The following ERC1 variants were observed in gnomAD, a reference collection of about 807,000 sequenced individuals.
ERC1 encodes the protein ELKS/RAB6-interacting/CAST family member 1, also known as RAB6 interacting protein 2.
A neutral mutation model predicts 132.0 loss-of-function variants in ERC1; 56 were observed. The observed-to-expected ratio is 0.42, with a 90% CI of 0.34 to 0.53. The LOEUF (loss-of-function observed/expected upper bound fraction) is 0.53, where lower values mean the gene tolerates loss of function less well. ERC1 is among the 20% of genes least tolerant of loss of function. ERC1 has a pLI of 0.03. For synonymous variants in ERC1, 478 were observed against 476.1 expected, an observed-to-expected ratio of 1.00 and a Z score of -0.05; for missense variants, 1,202 against 1,349.9, an observed-to-expected ratio of 0.89 and a Z score of 1.72.
intron 17 of ERC1, among the ~76,000 whole-genome samples, chr12:1,431,720 T>C (rs1390862518): frequency 6.6e-6 from 1 of 152,228 alleles, no homozygotes; most frequent in Non-Finnish European, 1.5e-5. Flanking sequence ...GTACTTTTCA[T>C]TGTGAATGGA....
chr12:1,426,863 T>A (rs2092657050), intron 17 of ERC1, among the ~76,000 whole-genome samples: 1 of 152,178 alleles, frequency 6.6e-6, no homozygotes, highest in African/African-American at 2.4e-5. Context: ...CATTCCATCT[T>A]CCACCTTTTT....
intron 15 of ERC1, among the ~76,000 whole-genome samples, chr12:1,339,589 TAGCAGGTGCC>T: frequency 7.2e-6 from 1 of 138,498 alleles, no homozygotes; most frequent in Non-Finnish European, 1.5e-5. Context: ...GACAGGGTGC[TAGCAGGTGCC>T]AGGGGGTGCC....
intron 13 of ERC1, among the ~76,000 whole-genome samples, chr12:1,245,962 G>C (rs905428572): frequency 6.6e-6 from 1 of 151,878 alleles, no homozygotes; most frequent in African/African-American, 2.4e-5. Context: ...TAGAGACTGA[G>C]TCTTAACTAT....
intron 15 of ERC1, among the ~76,000 whole-genome samples, chr12:1,315,700 G>C (rs1161482857): frequency 3.3e-5 from 5 of 151,912 alleles, no homozygotes; most frequent in Non-Finnish European, 2.9e-5. Context: ...TTTTATTTCT[G>C]AATGGCACAT....
intron 2 of ERC1, among the ~76,000 whole-genome samples, chr12:1,067,248 T>G (rs1012123763): frequency 1.3e-5 from 2 of 152,226 alleles, no homozygotes; most frequent in African/African-American, 4.8e-5. Context: ...TTTGAAAAGT[T>G]TTTAGTGTAA....
chr12:1,450,445 G>A (rs183860989), intron 18 of ERC1, among the ~76,000 whole-genome samples: 4 of 152,256 alleles, frequency 2.6e-5, no homozygotes, highest in East Asian at 3.9e-4. Context: ...AGCAAGGTTC[G>A]TCTGTGTTGC....
At chr12:1,481,462 G>A (rs7296411) in intron 18 of ERC1, among the ~76,000 whole-genome samples, 2,590 of 152,250 alleles carry the variant, frequency 0.017, 85 homozygotes, top group African/African-American at 0.059. Flanking sequence ...AAGTAATCAC[G>A]GTTACACAAG....
At chr12:1,269,694 C>T (rs1225490085) in intron 14 of ERC1, among the ~76,000 whole-genome samples, 2 of 152,192 alleles carry the variant, frequency 1.3e-5, no homozygotes, top group Non-Finnish European at 2.9e-5. Context: ...GAGGTATGCA[C>T]ACACCTGAAA....
In ERC1 at chr12:1,289,856, A is replaced by G; in HGVS notation, c.2624A>G (p.Glu875Gly). 1.2e-6 allele frequency: 2 copies of G among 1,613,026 alleles called. No homozygotes were observed. Among genetic ancestry groups the G allele is most frequent in the Non-Finnish European group, 1.7e-6 (2 of 1,179,066 alleles). ...TCTTTCCCATATTTATGATAGGTGG[A>G]GGAGTTACTGATGGCCATGGAGAAG... is the stretch of plus-strand genomic sequence containing the variant. ...SARTNAEKQVEELLMAMEKVK... is the reference protein window; with the variant it reads ...SARTNAEKQVGELLMAMEKVK... Residue 875 changes from glutamate (E) to glycine (G), a missense_variant, in exon 15 of 19, where the codon GAG becomes GGG. Transcript: ENST00000360905.
intron 1 of ERC1, among the ~76,000 whole-genome samples, chr12:999,931 A>G (rs1961861010): frequency 6.6e-6 from 1 of 152,086 alleles, no homozygotes; most frequent in African/African-American, 2.4e-5. Flanking sequence ...CAATCTTGAG[A>G]TACTGCGTGT....
At chr12:1,372,439 TAATA>T (rs1369962287) in intron 16 of ERC1, among the ~76,000 whole-genome samples, 4 of 152,204 alleles carry the variant, frequency 2.6e-5, no homozygotes, top group Non-Finnish European at 4.4e-5. Flanking sequence ...ATTTAATACT[TAATA>T]TTCATGTAAC....
chr12:1,477,838 T>C (rs1354519342), intron 18 of ERC1, among the ~76,000 whole-genome samples: 1 of 152,226 alleles, frequency 6.6e-6, no homozygotes, highest in Non-Finnish European at 1.5e-5. Context: ...TTAAACTTTC[T>C]ATGCCTGGAA....
At chr12:1,185,319 C>T (rs558425026) in intron 11 of ERC1, among the ~76,000 whole-genome samples, 37 of 152,136 alleles carry the variant, frequency 2.4e-4, no homozygotes, top group African/African-American at 8.7e-4. Context: ...GGAGCAAGGC[C>T]ACTATGCTCA....
At chr12:1,113,815 G>T (rs183387525) in intron 6 of ERC1, among the ~76,000 whole-genome samples, 18 of 152,104 alleles carry the variant, frequency 1.2e-4, no homozygotes, top group Non-Finnish European at 4.4e-5. Context: ...AGTGGCATTC[G>T]TATAATTTCT....
chr12:1,371,037 A>G (rs1290889816), intron 15 of ERC1, among the ~76,000 whole-genome samples: 1 of 152,008 alleles, frequency 6.6e-6, no homozygotes, highest in Non-Finnish European at 1.5e-5. Context: ...ACTTTATTTT[A>G]TTGTAGTAAG....
intron 3 of ERC1, among the ~76,000 whole-genome samples, chr12:1,101,551 G>A (rs1487331185): frequency 1.3e-5 from 2 of 152,182 alleles, no homozygotes; most frequent in African/African-American, 2.4e-5. Flanking sequence ...AGTACATGAC[G>A]AATGTGTCTG....
chr12:1,394,050 AAG>A (rs2090276464), intron 16 of ERC1, among the ~76,000 whole-genome samples: 1 of 131,124 alleles, frequency 7.6e-6, no homozygotes, highest in South Asian at 2.4e-4. Flanking sequence ...AAAAACCACA[AAG>A]CATTAAGCAA....
intron 14 of ERC1, among the ~76,000 whole-genome samples, chr12:1,285,845 AG>A (rs1299163961): frequency 6.6e-6 from 1 of 152,242 alleles, no homozygotes; most frequent in African/African-American, 2.4e-5. Flanking sequence ...ATACAGGAAA[AG>A]AAAAGCTTAG....
chr12:1,331,379 C>T (rs2082849461), intron 15 of ERC1, among the ~76,000 whole-genome samples: 1 of 152,290 alleles, frequency 6.6e-6, no homozygotes, highest in South Asian at 2.1e-4. Flanking sequence ...GGTGACTATA[C>T]AATATTTATT....
Sources: allele counts gnomAD v4.1 joint callset (sites outside exome capture counted in the v4.1 genomes callset), GRCh38; gene constraint gnomAD v4.1.1; transcripts MANE v1.5; gene names NCBI Gene and HGNC (gene_info 2026-07-23, HGNC 2026-07-21).